The following LRP1B variants were observed in gnomAD, a reference collection of about 807,000 sequenced individuals.
LRP1B encodes the protein low-density lipoprotein receptor-related protein 1B.
In LRP1B, 217 loss-of-function variants were observed where a neutral mutation model predicts 556.6. That is an observed-to-expected ratio of 0.39 (90% CI 0.35 to 0.44). LRP1B has a LOEUF of 0.44. Among genes scored for constraint, LRP1B ranks in the 20% least tolerant of loss-of-function variants. The pLI is 1.00. For synonymous variants in LRP1B, 2,047 were observed against 1,865.8 expected (o/e 1.10, Z -2.50); for missense variants, 5,053 against 5,620.8 (o/e 0.90, Z 3.23).
intron 86 of LRP1B, among the ~76,000 whole-genome samples, chr2:140,249,553 CTG>C (rs775979224): frequency 6.6e-5 from 10 of 151,818 alleles, no homozygotes; most frequent in African/African-American, 9.6e-5. Flanking sequence ...AACTCAAAGA[CTG>C]TACTGGAGAA....
At chr2:141,276,308 T>G (rs1486438169) in intron 3 of LRP1B, among the ~76,000 whole-genome samples, 2 of 149,578 alleles carry the variant, frequency 1.3e-5, no homozygotes, top group Non-Finnish European at 3.0e-5. Context: ...TTTTTTTAGC[T>G]TTTAGTTTTA....
intron 31 of LRP1B, among the ~76,000 whole-genome samples, chr2:140,831,836 T>C (rs959209682): frequency 1.7e-4 from 26 of 152,078 alleles, no homozygotes; most frequent in Non-Finnish European, 3.8e-4. Context: ...TAACTAATAA[T>C]GTGATTTTAA....
intron 47 of LRP1B, among the ~76,000 whole-genome samples, chr2:140,527,005 T>C (rs773553765): frequency 4.6e-5 from 7 of 151,906 alleles, no homozygotes; most frequent in Admixed American, 3.3e-4. Context: ...TAATATTTAA[T>C]ATAATAAATA....
At chr2:140,642,645 T>C (rs1415591233) in intron 41 of LRP1B, among the ~76,000 whole-genome samples, 1 of 151,898 alleles carries the variant, frequency 6.6e-6, no homozygotes, top group Admixed American at 6.6e-5. Context: ...ATCGAGACCA[T>C]CCTGGCTAAC....
chr2:141,165,272 A>T (rs1403831214), intron 7 of LRP1B, among the ~76,000 whole-genome samples: 2 of 151,918 alleles, frequency 1.3e-5, no homozygotes, highest in Non-Finnish European at 2.9e-5. Context: ...TGAAAGCCAA[A>T]TTTTTTGACA....
chr2:141,180,158 T>C (rs1349415036), intron 7 of LRP1B, among the ~76,000 whole-genome samples: 2 of 151,800 alleles, frequency 1.3e-5, no homozygotes, highest in Non-Finnish European at 2.9e-5. Context: ...TGTTCTGGGT[T>C]CTTTGTAAAC....
intron 59 of LRP1B, among the ~76,000 whole-genome samples, chr2:140,480,442 T>C (rs1287020161): frequency 6.6e-6 from 1 of 152,166 alleles, no homozygotes; most frequent in African/African-American, 2.4e-5. Context: ...ACTATTTCCT[T>C]GTGGATTTCC....
At chr2:140,885,370 T>G (rs79759263) in intron 24 of LRP1B, among the ~76,000 whole-genome samples, 1 of 151,706 alleles carries the variant, frequency 6.6e-6, no homozygotes, top group Admixed American at 6.6e-5. Flanking sequence ...TTTTTTTTTT[T>G]TGAGATAAAG....
chr2:141,258,486 TA>T (rs1294961096), intron 3 of LRP1B, among the ~76,000 whole-genome samples: 5 of 152,038 alleles, frequency 3.3e-5, no homozygotes, highest in African/African-American at 4.8e-5. Context: ...AATAAATAAA[TA>T]AAAAGAGAGA....
intron 1 of LRP1B, among the ~76,000 whole-genome samples, chr2:141,900,422 T>C (rs941252780): frequency 3.3e-5 from 5 of 152,120 alleles, no homozygotes; most frequent in African/African-American, 7.2e-5. Flanking sequence ...AAGAGTTGTA[T>C]GTGAATTAAT....
chr2:141,812,039 A>C (rs188167103), intron 1 of LRP1B, among the ~76,000 whole-genome samples: 5 of 152,250 alleles, frequency 3.3e-5, no homozygotes, highest in African/African-American at 9.6e-5. Flanking sequence ...ATTGCAGTGC[A>C]TTTGAGAAAA....
intron 21 of LRP1B, among the ~76,000 whole-genome samples, chr2:140,921,968 A>G (rs1456361404): frequency 6.6e-6 from 1 of 152,066 alleles, no homozygotes; most frequent in Non-Finnish European, 1.5e-5. Context: ...GAGCAAAAGA[A>G]ATCACTAAGA....
At chr2:140,399,983 C>T (rs983961702) in intron 66 of LRP1B, among the ~76,000 whole-genome samples, 8 of 152,128 alleles carry the variant, frequency 5.3e-5, no homozygotes, top group Admixed American at 2.0e-4. Flanking sequence ...GAATACAAAG[C>T]TTTGGTTGGT....
intron 3 of LRP1B, among the ~76,000 whole-genome samples, chr2:141,383,776 C>A (rs1481248624): frequency 2.0e-5 from 3 of 152,116 alleles, no homozygotes; most frequent in African/African-American, 7.2e-5. Context: ...GTTGCATAAT[C>A]TTATTCATGT....
intron 2 of LRP1B, among the ~76,000 whole-genome samples, chr2:141,790,035 T>C (rs1695560713): frequency 6.6e-6 from 1 of 151,938 alleles, no homozygotes; most frequent in South Asian, 2.1e-4. Context: ...TTAAGCCTAG[T>C]AGTTTTCCAC....
chr2:140,416,193 C>T (rs1181247058), intron 66 of LRP1B, among the ~76,000 whole-genome samples: 5 of 152,158 alleles, frequency 3.3e-5, no homozygotes, highest in Non-Finnish European at 7.3e-5. Context: ...TCAATGTGAA[C>T]CCTATCGTGA....
chr2:141,792,365 T>TC (rs540247157), intron 2 of LRP1B, among the ~76,000 whole-genome samples: 322 of 152,110 alleles, frequency 2.1e-3, no homozygotes, highest in Admixed American at 4.1e-3. Flanking sequence ...ATAATTTCAT[T>TC]CCCTTAAAAA....
At position 140,485,483 on chromosome 2, in the gene LRP1B, A is replaced by G; in HGVS notation, c.9285T>C (p.Asp3095=). 1 of 1,613,798 alleles carries G rather than the reference A, an allele frequency of 6.2e-7. No individual in the cohort carries two copies. The highest frequency in any genetic ancestry group is 1.1e-5 in the South Asian group (1 of 91,058). Residue 3095 remains aspartate (D), a synonymous_variant, in exon 59 of 91, where the codon GAT becomes GAC. Coordinates refer to ENST00000389484, the MANE Select transcript of LRP1B (RefSeq NM_018557.3). ...NTAVPNALAV[D]WIGKNLYWSD... ...ACCAATAGAGGTTTTTTCCAATCCA[A>G]TCGACAGCAAGTGCATTGGGGACCG...
At chr2:141,589,005 C>T (rs994824978) in intron 2 of LRP1B, among the ~76,000 whole-genome samples, 1 of 151,926 alleles carries the variant, frequency 6.6e-6, no homozygotes, top group African/African-American at 2.4e-5. Flanking sequence ...GAAAACATTC[C>T]CTGGCTTTAT....
Sources: gnomAD v4.1 joint callset for allele counts (sites outside exome capture counted in the v4.1 genomes callset) on GRCh38, gnomAD v4.1.1 for gene constraint, MANE v1.5 for transcripts, NCBI Gene and HGNC (gene_info 2026-07-23, HGNC 2026-07-21) for gene names.